The following COX7A2L variants were observed in gnomAD, a reference collection of about 807,000 sequenced individuals.
The protein encoded by COX7A2L is cytochrome c oxidase subunit 7A2 like, also known as cytochrome c oxidase subunit 7A2-like, mitochondrial.
COX7A2L carries 18 observed loss-of-function variants against 14.2 expected under a neutral mutation model. That is an observed-to-expected ratio of 1.27 (90% CI 0.88 to 1.88). COX7A2L has a LOEUF of 1.88. COX7A2L is among the 40% of genes most tolerant of loss of function. The pLI, the probability that COX7A2L is intolerant of heterozygous loss-of-function variation, is 0.00. For synonymous variants in COX7A2L, 65 were observed against 57.4 expected, an observed-to-expected ratio of 1.13 and a Z score of -0.60; for missense variants, 179 against 138.8, an observed-to-expected ratio of 1.29 and a Z score of -1.46.
At chr2:42,337,318 T>A (rs1449546247) in intron 2 of COX7A2L, among the ~76,000 whole-genome samples, 4 of 152,294 alleles carry the variant, frequency 2.6e-5, no homozygotes, top group South Asian at 2.1e-4. Flanking sequence ...CATGCACATG[T>A]GATGGTGCTC....
At chr2:42,346,285 C>T (rs1203248997), downstream of COX7A2L, among the ~76,000 whole-genome samples, 1 of 152,190 alleles carries the variant, frequency 6.6e-6, no homozygotes, top group Non-Finnish European at 1.5e-5. Flanking sequence ...AAGAGAGTGA[C>T]AGAAAGGACA....
chr2:42,366,733 G>T (rs565446751), intron 1 of COX7A2L, among the ~76,000 whole-genome samples: 2 of 152,198 alleles, frequency 1.3e-5, no homozygotes, highest in Admixed American at 6.5e-5. Context: ...TTAGAGTTTT[G>T]AGTCTAGTCT....
intron 1 of COX7A2L, among the ~76,000 whole-genome samples, chr2:42,367,299 G>A (rs958892897): frequency 3.9e-5 from 6 of 152,158 alleles, no homozygotes; most frequent in African/African-American, 1.4e-4. Context: ...AGTCTCAGAG[G>A]TGAAATGATG....
intron 1 of COX7A2L, among the ~76,000 whole-genome samples, chr2:42,367,893 T>A (rs1238267767): frequency 1.3e-5 from 2 of 152,244 alleles, no homozygotes; most frequent in Admixed American, 1.3e-4. Context: ...TACCGTGTCC[T>A]CTTCCCTGGC....
chr2:42,361,278 G>A (rs1671043159), upstream of COX7A2L: 2 of 912,752 alleles, frequency 2.2e-6, no homozygotes, highest in Non-Finnish European at 1.6e-6. Context: ...TGGGACTAGG[G>A]CTGCCCGAAG....
At chr2:42,351,740 G>A (rs1351149169) in intron 2 of COX7A2L, among the ~76,000 whole-genome samples, 2 of 152,312 alleles carry the variant, frequency 1.3e-5, no homozygotes, top group East Asian at 1.9e-4. Flanking sequence ...TTGGGAGGCC[G>A]AGACAGGCAG....
chr2:42,355,565 G>A (rs958533776), intron 1 of COX7A2L, among the ~76,000 whole-genome samples: 1 of 151,898 alleles, frequency 6.6e-6, no homozygotes, highest in East Asian at 1.9e-4. Context: ...AATTAATTCC[G>A]TATTTCCCTT....
At position 42,339,028 on chromosome 2, in the gene COX7A2L, C is replaced by A. The variant is rs1461295399; in HGVS notation, c.193-5159G>T. 2.6e-5 allele frequency among the ~76,000 whole-genome samples: 4 copies of A among 152,200 alleles called. No homozygotes were observed. Among genetic ancestry groups the A allele is most frequent in the East Asian group, 1.9e-4 (1 of 5,194 alleles). The stretch of plus-strand genomic sequence containing the variant: ...TGCATCACAGTCACCCGTGTTTGCA[C>A]TGGAAGCCATGGGCAACGCAACAGA... On this transcript the variant is annotated intron_variant, in intron 2 of 2. Coordinates refer to the COX7A2L transcript ENST00000468711. This position sits in a 1 kb window ranked among gnomAD's most constrained non-coding sequence, Gnocchi z 5.4.
In COX7A2L at chr2:42,338,441, A is replaced by G. The variant is rs17029598; in HGVS notation, c.193-4572T>C. On this transcript the variant is annotated intron_variant, in intron 2 of 2. Coordinates refer to the COX7A2L transcript ENST00000468711. This position sits in a 1 kb window ranked among gnomAD's most constrained non-coding sequence, Gnocchi z 4.4. ...ATGAGGTGACCAGGCTTTCTCCGAG[A>G]GCGACAGGCCCCAGCTATGCTGGCA... is the stretch of plus-strand genomic sequence containing the variant. 0.29 allele frequency among the ~76,000 whole-genome samples: 43,391 copies of G among 152,126 alleles called. 6,625 individuals are homozygous for G. Among genetic ancestry groups the G allele is most frequent in the East Asian group, 0.56 (2,874 of 5,168 alleles).
upstream of COX7A2L, among the ~76,000 whole-genome samples, chr2:42,365,104 A>T (rs143315382): frequency 1.6e-4 from 24 of 152,362 alleles, no homozygotes; most frequent in East Asian, 4.6e-3. Flanking sequence ...AAAAGTTGAG[A>T]TCCAAAACCA....
At chr2:42,363,717 G>C (rs1671105034), upstream of COX7A2L, among the ~76,000 whole-genome samples, 1 of 152,192 alleles carries the variant, frequency 6.6e-6, no homozygotes, top group African/African-American at 2.4e-5. Context: ...ATTCGTATTT[G>C]CATATCCCAT....
In COX7A2L at chr2:42,339,149, AGAAG is replaced by A. The variant is rs1166163699; in HGVS notation, c.193-5284_193-5281del. Among the ~76,000 whole-genome samples the A allele has an allele frequency of 6.6e-6, 1 of 152,220 alleles. No individual in the cohort carries two copies. Among genetic ancestry groups the A allele is most frequent in the Non-Finnish European group, 1.5e-5 (1 of 68,032 alleles). ...CTATGGGAAACTCTCACAATAAAAT[AGAAG>A]GAAGTTTTTTTAATCAAATTTTAGT... is the stretch of plus-strand genomic sequence containing the variant. On this transcript the variant is annotated intron_variant, in intron 2 of 2. Coordinates refer to the COX7A2L transcript ENST00000468711. The surrounding 1 kb of genome is among the most constrained non-coding windows in gnomAD (Gnocchi z 5.4).
chr2:42,351,441 T>TA, intron 2 of COX7A2L, 82 bp from the exon 3 acceptor site: 2 of 1,503,430 alleles, frequency 1.3e-6, no homozygotes, highest in Non-Finnish European at 1.8e-6. Context: ...CAAATTTGTC[T>TA]ACTCGGTAAG....
At chr2:42,344,573 C>G (rs1670459042), downstream of COX7A2L, among the ~76,000 whole-genome samples, 1 of 152,196 alleles carries the variant, frequency 6.6e-6, no homozygotes, top group African/African-American at 2.4e-5. Flanking sequence ...GCGTCGCAGG[C>G]CCGGCGCGGT....
At position 42,351,214 on chromosome 2, in the gene COX7A2L, C is replaced by T. The variant is rs773729569; in HGVS notation, c.*5G>A. The T allele has an allele frequency of 6.2e-7, 1 of 1,613,244 alleles. No homozygotes were observed. The highest frequency in any genetic ancestry group is 8.5e-7 in the Non-Finnish European group (1 of 1,179,640). ...AAAAAACAAACCAGTCCTCTGCAGCCTAACTCATTTGTTTTTGGGCTGCGA... is the reference window on the plus strand; with the variant it reads ...AAAAAACAAACCAGTCCTCTGCAGCTTAACTCATTTGTTTTTGGGCTGCGA... On this transcript the variant is annotated 3_prime_UTR_variant, in exon 3 of 3. Coordinates refer to ENST00000234301, the MANE Select transcript of COX7A2L (RefSeq NM_004718.4).
At chr2:42,344,774 C>T (rs546253847), downstream of COX7A2L, among the ~76,000 whole-genome samples, 8 of 152,080 alleles carry the variant, frequency 5.3e-5, no homozygotes, top group South Asian at 1.5e-3. Context: ...TGGCGTGAAC[C>T]CAGGAGGCGG....
upstream of COX7A2L, among the ~76,000 whole-genome samples, chr2:42,362,144 A>G (rs138591348): frequency 1.2e-4 from 18 of 152,312 alleles, 1 homozygote; most frequent in East Asian, 3.5e-3. Flanking sequence ...AAACACTTGT[A>G]AAATCTGGAC....
At chr2:42,352,473 C>A (rs191620025) in intron 2 of COX7A2L, among the ~76,000 whole-genome samples, 1 of 152,106 alleles carries the variant, frequency 6.6e-6, no homozygotes, top group African/African-American at 2.4e-5. Context: ...TTGCAGTGTC[C>A]AAAATCCTTC....
At chr2:42,363,152 C>T (rs1220993693), upstream of COX7A2L, among the ~76,000 whole-genome samples, 2 of 152,140 alleles carry the variant, frequency 1.3e-5, no homozygotes, top group Admixed American at 1.3e-4. Context: ...GCTGGGATTA[C>T]AGGCATGAGC....
Sources: gnomAD v4.1 joint callset for allele counts (sites outside exome capture counted in the v4.1 genomes callset) on GRCh38, gnomAD v4.1.1 for gene constraint, Gnocchi (gnomAD v3.1) non-coding constraint, MANE v1.5 for transcripts, NCBI Gene and HGNC (gene_info 2026-07-23, HGNC 2026-07-21) for gene names.